The following RBPJ variants were observed in gnomAD, a reference collection of about 807,000 sequenced individuals.
RBPJ encodes the protein recombining binding protein suppressor of hairless.
A neutral mutation model predicts 67.8 loss-of-function variants in RBPJ; 9 were observed. The observed-to-expected ratio is 0.13, with a 90% CI of 0.08 to 0.23. The LOEUF (loss-of-function observed/expected upper bound fraction) is 0.23. Among genes scored for constraint, RBPJ ranks in the 10% least tolerant of loss-of-function variants. The pLI is 1.00. For missense variants in RBPJ, 305 were observed against 595.6 expected (o/e 0.51, Z 5.08); for synonymous variants, 198 against 203.3 (o/e 0.97, Z 0.22).
At chr4:26,144,878 A>G in the RBPJ span, among the ~76,000 whole-genome samples, 1 of 151,362 alleles carries the variant, frequency 6.6e-6, no homozygotes, top group Non-Finnish European at 1.5e-5. Flanking sequence ...TGATTTCTTC[A>G]CTCTTTTATA....
intron 1 of RBPJ, among the ~76,000 whole-genome samples, chr4:26,275,884 C>G (rs62409733): frequency 6.6e-6 from 1 of 151,704 alleles, no homozygotes; most frequent in East Asian, 2.0e-4. Context: ...CCTCGGCCTC[C>G]CAAAGTGCTG....
chr4:26,287,247 A>G (rs1181390432), intron 1 of RBPJ, among the ~76,000 whole-genome samples: 2 of 151,898 alleles, frequency 1.3e-5, no homozygotes, highest in African/African-American at 4.8e-5. Flanking sequence ...AAAAAGAAGA[A>G]AGAGAGAAAA....
chr4:26,293,099 G>C (rs921938417), intron 1 of RBPJ, among the ~76,000 whole-genome samples: 1 of 150,390 alleles, frequency 6.6e-6, no homozygotes, highest in East Asian at 2.0e-4. Context: ...AGGCTGGAAA[G>C]GTAAGCAGAA....
At chr4:26,251,607 G>A (rs1340716519) in intron 1 of RBPJ, among the ~76,000 whole-genome samples, 3 of 141,798 alleles carry the variant, frequency 2.1e-5, no homozygotes, top group Non-Finnish European at 3.0e-5. Flanking sequence ...CACTGCACAT[G>A]AGCAACAGAG....
At position 26,270,491 on chromosome 4, in the gene RBPJ, A is replaced by G. The variant is rs112700434; in HGVS notation, c.-166-91955A>G. On this transcript the variant is annotated intron_variant, in intron 1 of 4. Coordinates refer to the RBPJ transcript ENST00000512351. ...GGAAAGAAAGATGAAAGGAGGGAGG[A>G]AGGAAGGAAGGAAGGAAGGAGAAAT... 1.2e-3 allele frequency among the ~76,000 whole-genome samples: 175 copies of G among 149,442 alleles called. 3 individuals carry two copies. The highest frequency in any genetic ancestry group is 4.2e-3 in the African/African-American group (171 of 40,324).
At chr4:26,147,873 G>T in the RBPJ span, among the ~76,000 whole-genome samples, 2 of 152,184 alleles carry the variant, frequency 1.3e-5, no homozygotes, top group East Asian at 1.9e-4. Flanking sequence ...GCCTGATAGG[G>T]CTGGTAATGT....
the RBPJ span, among the ~76,000 whole-genome samples, chr4:26,146,199 G>A: frequency 1.1e-4 from 17 of 152,224 alleles, no homozygotes; most frequent in Admixed American, 2.6e-4. Flanking sequence ...CTTCCACTTC[G>A]GCCTCCCAAA....
At chr4:26,180,937 G>T (rs930450853) in intron 1 of RBPJ, among the ~76,000 whole-genome samples, 1 of 152,154 alleles carries the variant, frequency 6.6e-6, no homozygotes, top group Non-Finnish European at 1.5e-5. Context: ...TATTTCCCAT[G>T]CTGTTCTCAA....
intron 1 of RBPJ, among the ~76,000 whole-genome samples, chr4:26,262,621 G>A (rs1720576291): frequency 6.6e-6 from 1 of 152,080 alleles, no homozygotes; most frequent in Non-Finnish European, 1.5e-5. Context: ...ATCCCTGAAT[G>A]TCTGCTTTTT....
At position 26,430,303 on chromosome 4, in the gene RBPJ, C is replaced by T. The variant is rs1736087929; in HGVS notation, c.1045-116C>T. On this transcript the variant is annotated intron_variant, in intron 9 of 10. Transcript: ENST00000355476. The surrounding 1 kb of genome is among the most constrained non-coding windows in gnomAD (Gnocchi z 4.1). ...TTTTAGCTAGCTTTGTAATAAAAAA[C>T]ATTTTAATTGCCCTTTTTTAAAAAA... 4 of 937,264 alleles carry T rather than the reference C, an allele frequency of 4.3e-6. No homozygotes were observed. In the Admixed American group the frequency reaches 7.0e-5, roughly 16 times the overall value. 58.1% of individuals were successfully genotyped at this position (937,264 alleles called of 1,614,324 possible).
Position 26,431,161 on chromosome 4 carries a change from G to T in RBPJ, c.*154G>T. 14 of 149,158 alleles carry T rather than the reference G, an allele frequency of 9.4e-5. No individual in the cohort carries two copies. Among genetic ancestry groups the T allele is most frequent in the East Asian group, 1.5e-4 (1 of 6,674 alleles). 9.2% of individuals were successfully genotyped at this position (149,158 alleles called of 1,614,324 possible). On this transcript the variant is annotated 3_prime_UTR_variant, in exon 11 of 11. Coordinates refer to ENST00000355476, the MANE Select transcript of RBPJ (RefSeq NM_015874.6). ...ACCCCGTTGTCTCCCTGCAAGTGCTGATTTGAAATGCAGAAGCCACAGTAA... is the reference window on the plus strand; with the variant it reads ...ACCCCGTTGTCTCCCTGCAAGTGCTTATTTGAAATGCAGAAGCCACAGTAA...
intron 1 of RBPJ, among the ~76,000 whole-genome samples, chr4:26,223,371 C>T (rs1718979032): frequency 1.3e-5 from 2 of 152,108 alleles, no homozygotes; most frequent in African/African-American, 4.8e-5. Context: ...AGGACTACAA[C>T]AGAAAAATGA....
chr4:26,206,979 T>G (rs1317641303), intron 1 of RBPJ, among the ~76,000 whole-genome samples: 1 of 152,178 alleles, frequency 6.6e-6, no homozygotes, highest in African/African-American at 2.4e-5. Flanking sequence ...GGTCTGCTTT[T>G]CTGCTCCAGG....
intron 1 of RBPJ, among the ~76,000 whole-genome samples, chr4:26,231,507 G>A (rs1719284935): frequency 1.3e-5 from 2 of 151,512 alleles, no homozygotes; most frequent in African/African-American, 4.9e-5. Context: ...TGCCTCCCAG[G>A]TTCAAGCGAT....
At position 26,203,891 on chromosome 4, in the gene RBPJ, C is replaced by G. The variant is rs931283764; in HGVS notation, c.-167+40277C>G. 6.6e-5 allele frequency among the ~76,000 whole-genome samples: 10 copies of G among 152,180 alleles called. 1 individual carries two copies. The highest frequency in any genetic ancestry group is 1.2e-4 in the Non-Finnish European group (8 of 68,040). On this transcript the variant is annotated intron_variant, in intron 1 of 4. Transcript: ENST00000512351. The stretch of plus-strand genomic sequence containing the variant: ...CCTGAGGTTCTGGTCCTGATGCTAC[C>G]TCTGTCCTGCTGCATGGTCTCAGCT...
chr4:26,282,184 T>C (rs1392186525), intron 1 of RBPJ, among the ~76,000 whole-genome samples: 1 of 144,206 alleles, frequency 6.9e-6, no homozygotes, highest in African/African-American at 2.6e-5. Context: ...CTGTGAATCA[T>C]CTAAAAAGGA....
chr4:26,414,779 AAAAC>A lies in RBPJ; in HGVS notation c.156-691_156-688del, dbSNP rs545183277. Among the ~76,000 whole-genome samples, 44 of 152,344 alleles carry A rather than the reference AAAAC, an allele frequency of 2.9e-4. No homozygotes were observed. In the East Asian group the frequency reaches 4.8e-3, roughly 17 times the overall value. ...GTGAAGGTGGTTTTTGACAACTAGC[AAAAC>A]AAACCTGTCATATTCTGTGAGTTGA... On this transcript the variant is annotated intron_variant, in intron 3 of 10. Coordinates refer to ENST00000355476, the MANE Select transcript of RBPJ (RefSeq NM_015874.6).
chr4:26,159,395 G>T (rs1482701399), upstream of RBPJ, among the ~76,000 whole-genome samples: 3 of 152,076 alleles, frequency 2.0e-5, no homozygotes, highest in Admixed American at 2.0e-4. Context: ...GTTGGGGTGG[G>T]GATAGATGAT....
At chr4:26,330,473 T>C (rs1204280812) in intron 1 of RBPJ, among the ~76,000 whole-genome samples, 2 of 152,274 alleles carry the variant, frequency 1.3e-5, no homozygotes, top group Non-Finnish European at 2.9e-5. Flanking sequence ...CCCCGGATTA[T>C]ATTCACTTTT....
Sources: gnomAD v4.1 joint callset for allele counts (sites outside exome capture counted in the v4.1 genomes callset) on GRCh38, gnomAD v4.1.1 for gene constraint, Gnocchi (gnomAD v3.1) non-coding constraint, MANE v1.5 for transcripts, NCBI Gene and HGNC (gene_info 2026-07-23, HGNC 2026-07-21) for gene names.